Variants in ADGRL3 observed in about 807,000 individuals in gnomAD.
The protein encoded by ADGRL3 is calcium-independent alpha-latrotoxin receptor 3.
Under a neutral mutation model 153.5 loss-of-function variants are expected in ADGRL3, and 62 were observed. The ratio of observed to expected loss-of-function variants is 0.40; its 90% CI spans 0.33 to 0.50. The LOEUF is 0.50. Ranked by LOEUF, ADGRL3 falls within the 20% of genes least tolerant of loss-of-function variation. The pLI is 0.47. For synonymous variants in ADGRL3, 710 were observed against 672.5 expected (o/e 1.06, Z -0.86); for missense variants, 1,641 against 1,859.4 (o/e 0.88, Z 2.16).
At chr4:61,639,282 C>A (rs2093562744) in intron 5 of ADGRL3, among the ~76,000 whole-genome samples, 1 of 151,866 alleles carries the variant, frequency 6.6e-6, no homozygotes, top group Non-Finnish European at 1.5e-5. Flanking sequence ...GTTTTTGAGG[C>A]CTTTGGTCTT....
At chr4:61,415,207 A>G (rs1341828090) in intron 2 of ADGRL3, among the ~76,000 whole-genome samples, 1 of 151,950 alleles carries the variant, frequency 6.6e-6, no homozygotes, top group Admixed American at 6.6e-5. Flanking sequence ...ACCTCAGCTG[A>G]GATACTACTA....
chr4:61,657,859 T>C (rs1172483733), intron 5 of ADGRL3, among the ~76,000 whole-genome samples: 1 of 152,200 alleles, frequency 6.6e-6, no homozygotes, highest in Non-Finnish European at 1.5e-5. Flanking sequence ...ACTAAATCTC[T>C]TAGGGACTGC....
At chr4:61,472,511 C>T (rs942005392) in intron 2 of ADGRL3, among the ~76,000 whole-genome samples, 1 of 151,854 alleles carries the variant, frequency 6.6e-6, no homozygotes, top group Non-Finnish European at 1.5e-5. Context: ...GTAAACCATA[C>T]AAAAAAGAAG....
chr4:61,296,037 A>G (rs1254451085), intron 1 of ADGRL3, among the ~76,000 whole-genome samples: 2 of 152,198 alleles, frequency 1.3e-5, no homozygotes, highest in Non-Finnish European at 2.9e-5. Flanking sequence ...TATGTGTTTT[A>G]AAATTGAAAT....
intron 1 of ADGRL3, among the ~76,000 whole-genome samples, chr4:61,317,614 G>C (rs1191851648): frequency 6.6e-6 from 1 of 152,118 alleles, no homozygotes; most frequent in Non-Finnish European, 1.5e-5. Flanking sequence ...TTGAAGGACA[G>C]AGGAGAATGA....
chr4:61,614,129 A>G (rs983560858), intron 5 of ADGRL3, among the ~76,000 whole-genome samples: 2 of 152,172 alleles, frequency 1.3e-5, no homozygotes, highest in African/African-American at 4.8e-5. Flanking sequence ...TGCTAACTAT[A>G]TTTGCAGTAT....
chr4:61,364,735 G>T (rs2096363665), intron 1 of ADGRL3, among the ~76,000 whole-genome samples: 1 of 152,146 alleles, frequency 6.6e-6, no homozygotes, highest in Admixed American at 6.5e-5. Context: ...CAAACAGGTT[G>T]GAGTTAGAGA....
intron 1 of ADGRL3, among the ~76,000 whole-genome samples, chr4:61,373,508 G>A (rs974590238): frequency 2.0e-5 from 3 of 152,032 alleles, no homozygotes; most frequent in Admixed American, 1.3e-4. Context: ...TAAAATTTTT[G>A]TTATTAGCAT....
chr4:61,205,983 G>C (rs1056598383), intron 1 of ADGRL3, among the ~76,000 whole-genome samples: 5 of 152,164 alleles, frequency 3.3e-5, no homozygotes, highest in Admixed American at 3.3e-4. Flanking sequence ...TTAGAATTGT[G>C]ACATGTGCTT....
chr4:61,982,577 C>G (rs1326293618), intron 18 of ADGRL3, among the ~76,000 whole-genome samples: 1 of 152,020 alleles, frequency 6.6e-6, no homozygotes. Flanking sequence ...AAGAATAACT[C>G]AAAGAAATGA....
At chr4:61,432,644 TTCTTTCTTTC>T (rs1560623644) in intron 2 of ADGRL3, among the ~76,000 whole-genome samples, 35 of 81,200 alleles carry the variant, frequency 4.3e-4, no homozygotes, top group Non-Finnish European at 6.5e-4. Context: ...CTTTCTTTCT[TTCTTTCTTTC>T]TTTTTTTTTT....
intron 5 of ADGRL3, among the ~76,000 whole-genome samples, chr4:61,605,089 CAAAAAAAAA>C (rs71211396): frequency 2.1e-4 from 13 of 61,428 alleles, no homozygotes; most frequent in African/African-American, 4.4e-4. Flanking sequence ...GACTCTGTCT[CAAAAAAAAA>C]AAAAAAAAAA....
At chr4:61,951,038 G>A (rs930430369) in intron 17 of ADGRL3, among the ~76,000 whole-genome samples, 1 of 152,084 alleles carries the variant, frequency 6.6e-6, no homozygotes, top group Non-Finnish European at 1.5e-5. Flanking sequence ...GCCATGAAGG[G>A]CATAATATAA....
chr4:61,530,823 C>T lies in ADGRL3; in HGVS notation c.259+13305C>T, dbSNP rs1456879. 4.0e-3 allele frequency among the ~76,000 whole-genome samples: 605 copies of T among 152,152 alleles called. 3 individuals carry two copies. Among genetic ancestry groups the T allele is most frequent in the Non-Finnish European group, 7.1e-3 (480 of 67,994 alleles). ...TCATCTGTGTATTTTTGGCAGTTTA[C>T]GGAAATTAGTATAAATGTAGATGGC... On this transcript the variant is annotated intron_variant, in intron 4 of 26. Transcript: ENST00000683033.
At chr4:61,503,044 G>A (rs335286) in intron 3 of ADGRL3, among the ~76,000 whole-genome samples, 93,124 of 151,924 alleles carry the variant, frequency 0.61, 28,767 homozygotes, top group East Asian at 0.8. Flanking sequence ...ATCCACATTA[G>A]CCAGTGGGTA....
Position 61,568,818 on chromosome 4 carries a change from A to G in ADGRL3, c.260-18409A>G, listed in dbSNP as rs144543474. Among the ~76,000 whole-genome samples, 13 of 151,890 alleles carry G rather than the reference A, an allele frequency of 8.6e-5. No homozygotes were observed. In the East Asian group the frequency reaches 2.3e-3, roughly 27 times the overall value. The stretch of plus-strand genomic sequence containing the variant: ...TTTCTTCTTTAACTCCTTTTTTCTC[A>G]TGATTCCTTCTTCTATGTCTCTGCC... On this transcript the variant is annotated intron_variant, in intron 4 of 26. Coordinates refer to ENST00000683033, the MANE Select transcript of ADGRL3 (RefSeq NM_001387552.1).
chr4:61,675,643 TTTTATTTATTTA>T (rs71213003), intron 5 of ADGRL3, among the ~76,000 whole-genome samples: 1 of 139,780 alleles, frequency 7.2e-6, no homozygotes, highest in African/African-American at 2.6e-5. Flanking sequence ...GCTTAGAAAG[TTTTATTTATTTA>T]TTTATTTATT....
intron 9 of ADGRL3, among the ~76,000 whole-genome samples, chr4:61,819,306 AT>A (rs1037172554): frequency 1.2e-4 from 19 of 152,018 alleles, no homozygotes; most frequent in Non-Finnish European, 2.2e-4. Flanking sequence ...ATCTCCAGTA[AT>A]TTTTTTTGTG....
chr4:61,776,032 CT>C (rs1222799314), intron 8 of ADGRL3, among the ~76,000 whole-genome samples: 1 of 152,136 alleles, frequency 6.6e-6, no homozygotes, highest in Non-Finnish European at 1.5e-5. Context: ...TCCCGAGTAG[CT>C]GGGACTCCAG....
Sources: gnomAD v4.1 joint callset for allele counts (sites outside exome capture counted in the v4.1 genomes callset) on GRCh38, gnomAD v4.1.1 for gene constraint, MANE v1.5 for transcripts, NCBI Gene and HGNC (gene_info 2026-07-23, HGNC 2026-07-21) for gene names.